The following CACNG5 variants were observed in gnomAD, a reference collection of about 807,000 sequenced individuals.
CACNG5 encodes voltage-dependent calcium channel gamma-5 subunit.
CACNG5 carries 18 observed loss-of-function variants against 24.8 expected under a neutral mutation model. That is an observed-to-expected ratio of 0.73 (90% confidence interval 0.50 to 1.08). CACNG5 has a LOEUF of 1.08. Ranked by LOEUF, CACNG5 falls within the 50% of genes least tolerant of loss-of-function variation. CACNG5 has a pLI of 0.00. For missense variants in CACNG5, 349 were observed against 367.9 expected, an observed-to-expected ratio of 0.95 and a Z score of 0.42; for synonymous variants, 157 against 149.1, an observed-to-expected ratio of 1.05 and a Z score of -0.39.
chr17:66,884,992 G>T lies in CACNG5; in HGVS notation c.580G>T (p.Val194Leu), dbSNP rs763987340. ...ISFLLTESAG[V>L]MSVYLFMKRY... ...TGTCTTCTCCCTGTAGAGTGCCGGG[G>T]TGATGTCTGTGTACCTGTTTATGAA... is the stretch of plus-strand genomic sequence containing the variant. Residue 194 changes from valine to leucine, a missense_variant, in exon 6 of 6, where the codon GTG (valine) becomes TTG (leucine). Physicochemically the swap from Val to Leu is conservative, Grantham distance 32. Coordinates refer to ENST00000533854, the MANE Select transcript of CACNG5 (RefSeq NM_145811.3). 1.9e-6 allele frequency: 3 copies of T among 1,614,128 alleles called. No individual in the cohort carries two copies. Among genetic ancestry groups the T allele is most frequent in the Admixed American group, 1.7e-5 (1 of 60,030 alleles).
chr17:66,846,835 C>T (rs539739257), intron 1 of CACNG5, among the ~76,000 whole-genome samples: 43 of 152,294 alleles, frequency 2.8e-4, no homozygotes, highest in African/African-American at 8.7e-4. Context: ...CATACTGAGG[C>T]GCCACCAAAC....
chr17:66,844,348 C>T (rs1169876948), intron 1 of CACNG5, among the ~76,000 whole-genome samples: 1 of 152,158 alleles, frequency 6.6e-6, no homozygotes, highest in Non-Finnish European at 1.5e-5. Flanking sequence ...ATTTGGAGCT[C>T]AACTGTTCCA....
In CACNG5 at chr17:66,860,931, A is replaced by G. The variant is rs566668759; in HGVS notation, c.-103-16299A>G. Among the ~76,000 whole-genome samples, 356 of 152,206 alleles carry G rather than the reference A, an allele frequency of 2.3e-3. 1 individual carries two copies. The highest frequency in any genetic ancestry group is 3.8e-3 in the Non-Finnish European group (258 of 68,028). On this transcript the variant is annotated intron_variant, in intron 1 of 5. Coordinates refer to ENST00000533854, the MANE Select transcript of CACNG5 (RefSeq NM_145811.3). Reference sequence around the variant, plus strand: ...TGTGTGGCCCAAGACAATTCTTCCAATGTGGCACAGGGAAGCCAACCCTGA... The same window carrying G: ...TGTGTGGCCCAAGACAATTCTTCCAGTGTGGCACAGGGAAGCCAACCCTGA...
chr17:66,886,833 G>A lies in CACNG5; in HGVS notation c.*1593G>A, dbSNP rs149507107. Among the ~76,000 whole-genome samples the A allele has an allele frequency of 1.1e-4, 17 of 152,230 alleles. No individual in the cohort carries two copies. The highest frequency in any genetic ancestry group is 3.1e-4 in the African/African-American group (13 of 41,562). On this transcript the variant is annotated 3_prime_UTR_variant, in exon 6 of 6. Transcript: ENST00000533854. ...TCTGGGTACCGGAGTCCAAGATCAC[G>A]GTGTTGGCAGGATTGGTTTCTTCTG...
At chr17:66,852,586 A>T (rs117438217) in intron 1 of CACNG5, among the ~76,000 whole-genome samples, 1 of 152,206 alleles carries the variant, frequency 6.6e-6, no homozygotes, top group Non-Finnish European at 1.5e-5. Flanking sequence ...TTAAAAAGGT[A>T]TAATTAGTAT....
In CACNG5 at chr17:66,878,978, A is replaced by G. The variant is rs1318122827; in HGVS notation, c.203A>G (p.Glu68Gly). The G allele has an allele frequency of 1.2e-6, 2 of 1,612,812 alleles. No homozygotes were observed. Among genetic ancestry groups the G allele is most frequent in the African/African-American group, 2.7e-5 (2 of 74,918 alleles). ...LWRVCFLAGE[E>G]RGRCFTIEYV... Reference sequence around the variant, plus strand: ...GTGATTCTTGTCTCCACAGGTGAGGAGCGGGGGCGTTGCTTCACCATAGAA... The same window carrying G: ...GTGATTCTTGTCTCCACAGGTGAGGGGCGGGGGCGTTGCTTCACCATAGAA... The change falls in exon 3 of 6, where the codon GAG (glutamate) becomes GGG (glycine). Residue 68 changes from glutamate (E) to glycine (G), a missense_variant. Transcript: ENST00000533854.
chr17:66,837,164 G>T (rs1018172553), intron 1 of CACNG5, among the ~76,000 whole-genome samples: 1 of 152,210 alleles, frequency 6.6e-6, no homozygotes, highest in Non-Finnish European at 1.5e-5. Flanking sequence ...TTCTGGGCTG[G>T]TGTTGTGGCC....
At chr17:66,851,193 C>T (rs1976706554) in intron 1 of CACNG5, among the ~76,000 whole-genome samples, 1 of 152,182 alleles carries the variant, frequency 6.6e-6, no homozygotes, top group South Asian at 2.1e-4. Flanking sequence ...GAAGAATGAG[C>T]TGCCCACAGG....
chr17:66,872,270 T>C (rs1483426735), intron 1 of CACNG5, among the ~76,000 whole-genome samples: 1 of 152,212 alleles, frequency 6.6e-6, no homozygotes, highest in Non-Finnish European at 1.5e-5. Context: ...TATCTTGTGA[T>C]AGCAACTTAT....
chr17:66,893,511 CA>C lies in CACNG5; in HGVS notation c.*8273del, dbSNP rs1977372085. On this transcript the variant is annotated 3_prime_UTR_variant, in exon 6 of 6. Transcript: ENST00000533854. ...AGCAACTGGAGAAAGACTCATGACA[CA>C]AGTTTGGCCATGGAACATGTTTGGC... is the stretch of plus-strand genomic sequence containing the variant. Among the ~76,000 whole-genome samples the C allele has an allele frequency of 6.6e-6, 1 of 152,214 alleles. No individual in the cohort carries two copies. The highest frequency in any genetic ancestry group is 6.5e-5 in the Admixed American group (1 of 15,286).
chr17:66,888,954 C>T lies in CACNG5; in HGVS notation c.*3714C>T, dbSNP rs1356848785. 6.6e-6 allele frequency among the ~76,000 whole-genome samples: 1 copy of T among 152,104 alleles called. No homozygotes were observed. Among genetic ancestry groups the T allele is most frequent in the Non-Finnish European group, 1.5e-5 (1 of 68,020 alleles). On this transcript the variant is annotated 3_prime_UTR_variant, in exon 6 of 6. Coordinates refer to ENST00000533854, the MANE Select transcript of CACNG5 (RefSeq NM_145811.3). ...CCTTTGAATTTAGGTGGTTTTTGATCAAGGTGAACTTTAAAATGGCAGTGC... is the reference window on the plus strand; with the variant it reads ...CCTTTGAATTTAGGTGGTTTTTGATTAAGGTGAACTTTAAAATGGCAGTGC...
At chr17:66,835,668 G>C (rs1266424314) in intron 1 of CACNG5, among the ~76,000 whole-genome samples, 1 of 152,192 alleles carries the variant, frequency 6.6e-6, no homozygotes, top group Middle Eastern at 3.2e-3. Context: ...GTCGGCCTAT[G>C]CGGGTCCAAC....
chr17:66,878,483 T>C (rs1156329658), intron 2 of CACNG5, among the ~76,000 whole-genome samples: 1 of 152,238 alleles, frequency 6.6e-6, no homozygotes, highest in Non-Finnish European at 1.5e-5. Context: ...CATCCAACTC[T>C]GGCTTCTTCT....
intron 1 of CACNG5, among the ~76,000 whole-genome samples, chr17:66,839,047 C>T (rs537512152): frequency 4.7e-5 from 7 of 149,450 alleles, no homozygotes; most frequent in South Asian, 4.2e-4. Context: ...CTGCAACCTC[C>T]GCCTCCCGGG....
chr17:66,853,038 G>T (rs1241332333), intron 1 of CACNG5, among the ~76,000 whole-genome samples: 4 of 149,644 alleles, frequency 2.7e-5, no homozygotes, highest in Non-Finnish European at 4.4e-5. Context: ...TCTTGCCTAG[G>T]CTGGTGTCAA....
At chr17:66,880,762 G>T in intron 4 of CACNG5, 65 bp downstream of exon 4, 1 of 1,584,090 alleles carries the variant, frequency 6.3e-7, no homozygotes, top group East Asian at 2.2e-5. Context: ...TTGTTTTTGA[G>T]ACAGAGTCTT....
At chr17:66,878,664 A>C (rs946907274) in intron 2 of CACNG5, among the ~76,000 whole-genome samples, 1 of 152,208 alleles carries the variant, frequency 6.6e-6, no homozygotes, top group African/African-American at 2.4e-5. Context: ...AAACGCAGTG[A>C]GATGGCACCA....
intron 1 of CACNG5, among the ~76,000 whole-genome samples, chr17:66,852,765 A>G (rs1370774770): frequency 6.6e-6 from 1 of 152,056 alleles, no homozygotes; most frequent in Non-Finnish European, 1.5e-5. Flanking sequence ...CTACAAGTTC[A>G]TATAAAGGAA....
In CACNG5 at chr17:66,885,378, C is replaced by G. The variant is rs1977243644; in HGVS notation, c.*138C>G. On this transcript the variant is annotated 3_prime_UTR_variant, in exon 6 of 6. Transcript: ENST00000533854. ...TAGCTGTTGTCACTTGACCCCAGTC[C>G]TCTCCCTGCTTCTCCAGAAGGGCTC... is the stretch of plus-strand genomic sequence containing the variant. 5.8e-6 allele frequency: 6 copies of G among 1,036,728 alleles called. No individual in the cohort carries two copies. Among genetic ancestry groups the G allele is most frequent in the Non-Finnish European group, 8.2e-6 (6 of 727,800 alleles). 64.2% of individuals were successfully genotyped at this position (1,036,728 alleles called of 1,614,324 possible).
Sources: gnomAD v4.1 joint callset for allele counts (sites outside exome capture counted in the v4.1 genomes callset) on GRCh38, gnomAD v4.1.1 for gene constraint, MANE v1.5 for transcripts, NCBI Gene and HGNC (gene_info 2026-07-23, HGNC 2026-07-21) for gene names.